Variants in LYRM4 observed in about 807,000 individuals in gnomAD.
LYRM4 encodes the protein LYR motif-containing protein 4.
LYRM4 carries 9 observed loss-of-function variants against 11.7 expected under a neutral mutation model. The ratio of observed to expected loss-of-function variants is 0.77; its 90% CI spans 0.46 to 1.34. LYRM4 has a LOEUF of 1.34. LYRM4 is among the 40% of genes most tolerant of loss of function. The pLI is 0.00. For missense variants in LYRM4, 133 were observed against 112.5 expected, an observed-to-expected ratio of 1.18 and a Z score of -0.82; for synonymous variants, 42 against 40.4, an observed-to-expected ratio of 1.04 and a Z score of -0.15.
At chr6:5,144,349 C>G (rs1581370095) in intron 2 of LYRM4, 1 of 1,467,736 alleles carries the variant, frequency 6.8e-7, no homozygotes, top group South Asian at 1.2e-5. Context: ...AGAAATATGT[C>G]AGGTGAGGCC....
chr6:5,120,538 C>T (rs376233600), intron 2 of LYRM4, among the ~76,000 whole-genome samples: 2 of 152,186 alleles, frequency 1.3e-5, no homozygotes, highest in African/African-American at 2.4e-5. Flanking sequence ...ACAAAGTCTC[C>T]ACAGCGTGGA....
chr6:5,212,268 C>A (rs1306936924), intron 2 of LYRM4, among the ~76,000 whole-genome samples: 1 of 152,228 alleles, frequency 6.6e-6, no homozygotes, highest in African/African-American at 2.4e-5. Flanking sequence ...TTCTAACTAA[C>A]GCCTTGCAAA....
the LYRM4 span, among the ~76,000 whole-genome samples, chr6:5,068,804 A>G: frequency 9.2e-5 from 14 of 152,350 alleles, no homozygotes; most frequent in African/African-American, 2.4e-4. This position sits in a 1 kb window ranked among gnomAD's most constrained non-coding sequence, Gnocchi z 4.0. Context: ...AATTTAAAAA[A>G]ATGAGTTATC....
intron 2 of LYRM4, among the ~76,000 whole-genome samples, chr6:5,156,053 AG>A (rs1758394083): frequency 6.6e-6 from 1 of 152,218 alleles, no homozygotes; most frequent in African/African-American, 2.4e-5. Context: ...TTTTTTCAAT[AG>A]GATGGTATCA....
intron 2 of LYRM4, among the ~76,000 whole-genome samples, chr6:5,111,975 G>T (rs1191973808): frequency 6.6e-6 from 1 of 152,226 alleles, no homozygotes; most frequent in Non-Finnish European, 1.5e-5. Flanking sequence ...AACCAGTACA[G>T]CACCTACATG....
chr6:5,176,660 A>G (rs1302650962), intron 2 of LYRM4, among the ~76,000 whole-genome samples: 7 of 152,232 alleles, frequency 4.6e-5, no homozygotes, highest in Non-Finnish European at 7.3e-5. Flanking sequence ...GGCCTGAAGC[A>G]CTGAAGGAAG....
chr6:5,229,503 T>C (rs1170256042), intron 1 of LYRM4, among the ~76,000 whole-genome samples: 1 of 150,008 alleles, frequency 6.7e-6, no homozygotes, highest in East Asian at 1.9e-4. Context: ...TCTCCAGGGC[T>C]CAGTGGGTGG....
At chr6:5,249,481 C>T (rs143899803) in intron 1 of LYRM4, among the ~76,000 whole-genome samples, 9 of 152,220 alleles carry the variant, frequency 5.9e-5, no homozygotes, top group East Asian at 5.8e-4. Context: ...TTTTTTATCA[C>T]GAAAGATCAT....
chr6:5,036,554 G>C, the LYRM4 span, among the ~76,000 whole-genome samples: 1 of 152,196 alleles, frequency 6.6e-6, no homozygotes, highest in Non-Finnish European at 1.5e-5. Flanking sequence ...GTCCTGACTC[G>C]TTACTTCTAC....
At position 5,197,127 on chromosome 6, in the gene LYRM4, GA is replaced by G. The variant is rs200568671; in HGVS notation, c.207+19490del. Reference sequence around the variant, plus strand: ...GCTTCCACATTCAAGTGAGATTACTGAAACAGATGAGCATCTAGTCAACAGG... The same window carrying G: ...GCTTCCACATTCAAGTGAGATTACTGAACAGATGAGCATCTAGTCAACAGG... On this transcript the variant is annotated intron_variant, in intron 2 of 2. Coordinates refer to ENST00000330636, the MANE Select transcript of LYRM4 (RefSeq NM_020408.6). 5.0e-3 allele frequency among the ~76,000 whole-genome samples: 757 copies of G among 152,232 alleles called. 3 individuals are homozygous for G. Among genetic ancestry groups the G allele is most frequent in the Non-Finnish European group, 6.7e-3 (455 of 68,028 alleles).
intron 2 of LYRM4, among the ~76,000 whole-genome samples, chr6:5,144,624 CAAAAAAAAAAAAAAAA>C (rs71540849): frequency 1.9e-4 from 7 of 37,600 alleles, no homozygotes; most frequent in East Asian, 2.1e-3. Context: ...GACTCCGTCT[CAAAAAAAAAAAAAAAA>C]AAAAAAAAAA....
chr6:5,069,902 T>C, the LYRM4 span, among the ~76,000 whole-genome samples: 5 of 152,364 alleles, frequency 3.3e-5, no homozygotes, highest in Non-Finnish European at 7.3e-5. Context: ...CCCTAGCACC[T>C]GGAGGCATGT....
intron 1 of LYRM4, among the ~76,000 whole-genome samples, chr6:5,223,769 C>A (rs1487102454): frequency 6.6e-6 from 1 of 152,172 alleles, no homozygotes; most frequent in Non-Finnish European, 1.5e-5. Flanking sequence ...AGGAAGAGGG[C>A]AACCAATGGA....
chr6:5,121,083 G>T (rs1194596109), intron 2 of LYRM4, among the ~76,000 whole-genome samples: 1 of 152,234 alleles, frequency 6.6e-6, no homozygotes, highest in Non-Finnish European at 1.5e-5. Flanking sequence ...CTTATTTTTT[G>T]AGTATTACCT....
At chr6:5,184,901 C>T (rs970031827) in intron 2 of LYRM4, among the ~76,000 whole-genome samples, 1 of 152,202 alleles carries the variant, frequency 6.6e-6, no homozygotes, top group African/African-American at 2.4e-5. Context: ...TCTGATTACA[C>T]TTGGAAGGGC....
chr6:5,115,648 C>T (rs780630994), intron 2 of LYRM4, among the ~76,000 whole-genome samples: 1 of 152,100 alleles, frequency 6.6e-6, no homozygotes, highest in Non-Finnish European at 1.5e-5. Flanking sequence ...AGGAAACCCA[C>T]AGAATAAAGA....
intron 1 of LYRM4, among the ~76,000 whole-genome samples, chr6:5,220,569 C>T (rs1762522978): frequency 6.6e-6 from 1 of 152,196 alleles, no homozygotes; most frequent in South Asian, 2.1e-4. Context: ...CTTGCCTTAA[C>T]TGAAATGTGC....
chr6:5,219,665 G>A (rs1411537798), intron 1 of LYRM4, among the ~76,000 whole-genome samples: 1 of 150,624 alleles, frequency 6.6e-6, no homozygotes, highest in Non-Finnish European at 1.5e-5. Context: ...CTAATCACCA[G>A]TTATTTCAAT....
At chr6:5,236,785 A>G (rs1475492357) in intron 1 of LYRM4, among the ~76,000 whole-genome samples, 1 of 150,078 alleles carries the variant, frequency 6.7e-6, no homozygotes, top group Non-Finnish European at 1.5e-5. Flanking sequence ...CTGTCTCTAA[A>G]AAAAAAAAAA....
Sources: allele counts gnomAD v4.1 joint callset (sites outside exome capture counted in the v4.1 genomes callset), GRCh38; gene constraint gnomAD v4.1.1; non-coding constraint Gnocchi (gnomAD v3.1); transcripts MANE v1.5; gene names NCBI Gene and HGNC (gene_info 2026-07-23, HGNC 2026-07-21).